The following FNIP2 variants were observed in gnomAD, a reference collection of about 807,000 sequenced individuals.
The protein encoded by FNIP2 is folliculin-interacting protein 2.
A neutral mutation model predicts 108.7 loss-of-function variants in FNIP2; 32 were observed. That is an observed-to-expected ratio of 0.29 (90% CI 0.22 to 0.40). The LOEUF (loss-of-function observed/expected upper bound fraction) is 0.40. Among genes scored for constraint, FNIP2 ranks in the 10% least tolerant of loss-of-function variants. The probability of loss-of-function intolerance (pLI) is 1.00; values close to 1 mark genes in which losing one functional copy is unlikely to be tolerated. For missense variants in FNIP2, 1,202 were observed against 1,381.6 expected, an observed-to-expected ratio of 0.87 and a Z score of 2.06; for synonymous variants, 480 against 496.7, an observed-to-expected ratio of 0.97 and a Z score of 0.45.
intron 1 of FNIP2, among the ~76,000 whole-genome samples, chr4:158,781,035 A>T (rs971646808): frequency 0.011 from 131 of 11,996 alleles, no homozygotes; most frequent in African/African-American, 0.018. Flanking sequence ...AGTCCTTCTC[A>T]AAAAAAAAAA....
intron 7 of FNIP2, among the ~76,000 whole-genome samples, chr4:158,850,103 G>A (rs1167650173): frequency 6.6e-6 from 1 of 152,162 alleles, no homozygotes; most frequent in Non-Finnish European, 1.5e-5. Flanking sequence ...AAGAGCTCAG[G>A]TCGGGAAGTC....
At chr4:158,820,268 G>T (rs1330286648) in intron 1 of FNIP2, among the ~76,000 whole-genome samples, 1 of 152,164 alleles carries the variant, frequency 6.6e-6, no homozygotes, top group Non-Finnish European at 1.5e-5. Flanking sequence ...AGGAAAAACA[G>T]AGATCATGCT....
rs141781043 is a variant in FNIP2, at chr4:158,889,489, C to A, written c.2950-1957C>A. Reference sequence around the variant, plus strand: ...CTATGCACTGTTGGGGATTGACACACTCTTCCCTTCCCTACCACTGCAGTG... The same window carrying A: ...CTATGCACTGTTGGGGATTGACACAATCTTCCCTTCCCTACCACTGCAGTG... On this transcript the variant is annotated intron_variant, in intron 14 of 16. Transcript: ENST00000264433. 3.3e-4 allele frequency among the ~76,000 whole-genome samples: 51 copies of A among 152,314 alleles called. 1 individual carries two copies. In the East Asian group the frequency reaches 9.5e-3, roughly 28 times the overall value.
intron 4 of FNIP2, 27 bp from the exon 5 acceptor site, chr4:158,832,040 T>TC (rs748417808): frequency 2.5e-5 from 40 of 1,609,574 alleles, no homozygotes; most frequent in Non-Finnish European, 5.9e-6. Flanking sequence ...AATTTATTTT[T>TC]CCCCTCTCCT....
intron 7 of FNIP2, among the ~76,000 whole-genome samples, chr4:158,840,602 G>T (rs989402490): frequency 2.0e-5 from 3 of 152,126 alleles, no homozygotes; most frequent in Non-Finnish European, 2.9e-5. Context: ...TGCCATGTTG[G>T]CCAGGCTGGT....
chr4:158,837,969 TCA>T (rs575936710), intron 7 of FNIP2, among the ~76,000 whole-genome samples: 163 of 152,324 alleles, frequency 1.1e-3, no homozygotes, highest in Non-Finnish European at 1.9e-3. Flanking sequence ...GGTTCAGAAG[TCA>T]CAGAGTCCAC....
In FNIP2 at chr4:158,906,178, A is replaced by C. The variant is rs1729827801; in HGVS notation, c.*1634A>C. ...CCTAGCATTTGACTTTGGTGTTTTA[A>C]GTTCTGTAGTTCCATGACATCATTG... On this transcript the variant is annotated 3_prime_UTR_variant, in exon 17 of 17. Transcript: ENST00000264433. 3.9e-5 allele frequency: 6 copies of C among 152,112 alleles called. No homozygotes were observed. The highest frequency in any genetic ancestry group is 3.9e-4 in the Admixed American group (6 of 15,262). 9.4% of individuals were successfully genotyped at this position (152,112 alleles called of 1,614,324 possible).
intron 15 of FNIP2, chr4:158,893,571 C>G: frequency 1.4e-6 from 1 of 717,852 alleles, no homozygotes; most frequent in South Asian, 2.1e-5. Flanking sequence ...TAAGCTGAAG[C>G]GTACTCTTGC....
At chr4:158,770,552 C>CGT (rs149605258) in intron 1 of FNIP2, among the ~76,000 whole-genome samples, 255 of 151,450 alleles carry the variant, frequency 1.7e-3, no homozygotes, top group African/African-American at 4.6e-3. Context: ...GAAAATTAAA[C>CGT]GTGTGTGTGT....
chr4:158,782,899 C>G (rs1776101762), intron 1 of FNIP2, among the ~76,000 whole-genome samples: 1 of 152,170 alleles, frequency 6.6e-6, no homozygotes, highest in Non-Finnish European at 1.5e-5. Context: ...TCTGCTTGCT[C>G]CAACTAAAGC....
intron 7 of FNIP2, among the ~76,000 whole-genome samples, chr4:158,841,793 T>C (rs990441304): frequency 1.3e-5 from 2 of 152,260 alleles, no homozygotes; most frequent in South Asian, 4.1e-4. Context: ...TATAAAAGCA[T>C]GTAGCTGCAG....
In FNIP2 at chr4:158,835,442, G is replaced by C; in HGVS notation, c.693G>C (p.Gln231His). The C allele has an allele frequency of 6.2e-7, 1 of 1,612,660 alleles. No individual in the cohort carries two copies. The highest frequency in any genetic ancestry group is 8.5e-7 in the Non-Finnish European group (1 of 1,179,128). The stretch of plus-strand genomic sequence containing the variant: ...CAGTTGATATGCCAAGCAGAGGACA[G>C]AATGAAGACAGGGACAGTGGCATTG... Reference protein sequence around the residue: ...STPVDMPSRGQNEDRDSGIAR... With the variant: ...STPVDMPSRGHNEDRDSGIAR... Residue 231 changes from glutamine to histidine, a missense_variant, in exon 7 of 17, where the codon CAG becomes CAC. Around this residue, in one of 5 missense-constraint regions of FNIP2, gnomAD observed 878 missense variants for 990.3 expected, o/e 0.89. Transcript: ENST00000264433.
At chr4:158,827,964 T>C (rs1285354567) in intron 2 of FNIP2, among the ~76,000 whole-genome samples, 1 of 151,924 alleles carries the variant, frequency 6.6e-6, no homozygotes, top group Non-Finnish European at 1.5e-5. Flanking sequence ...CATGTTTTTT[T>C]CCAAGCAAAA....
intron 14 of FNIP2, among the ~76,000 whole-genome samples, chr4:158,873,949 C>G (rs1048968063): frequency 6.6e-6 from 1 of 152,202 alleles, no homozygotes; most frequent in Admixed American, 6.5e-5. Context: ...GTAGCCTTTT[C>G]CCTCTCCTTT....
chr4:158,817,227 T>C (rs756911112), intron 1 of FNIP2, among the ~76,000 whole-genome samples: 1 of 152,218 alleles, frequency 6.6e-6, no homozygotes, highest in Non-Finnish European at 1.5e-5. Context: ...ACCTGCCCAC[T>C]CAGTGTCCCT....
chr4:158,808,075 C>T (rs116304326), intron 1 of FNIP2, among the ~76,000 whole-genome samples: 1,822 of 152,312 alleles, frequency 0.012, 21 homozygotes, highest in Non-Finnish European at 0.019. Flanking sequence ...AGTCTCCAGG[C>T]TTTTCTTAAT....
At chr4:158,856,516 G>A (rs1324747289) in intron 8 of FNIP2, among the ~76,000 whole-genome samples, 2 of 152,150 alleles carry the variant, frequency 1.3e-5, no homozygotes, top group Non-Finnish European at 2.9e-5. Context: ...GCCTTTCCTT[G>A]ACTCTCAGGG....
chr4:158,814,665 T>C (rs1036463685), intron 1 of FNIP2, among the ~76,000 whole-genome samples: 2 of 152,276 alleles, frequency 1.3e-5, no homozygotes, highest in Admixed American at 6.5e-5. Flanking sequence ...AGGGGTTGCT[T>C]TTTTAGAGAG....
chr4:158,870,275 T>G, intron 13 of FNIP2, 38 bp from the exon 14 acceptor site: 4 of 1,598,854 alleles, frequency 2.5e-6, no homozygotes, highest in Non-Finnish European at 3.4e-6. Flanking sequence ...AAAGTACATT[T>G]TTAGCTGTGC....
Sources: gnomAD v4.1 joint callset for allele counts (sites outside exome capture counted in the v4.1 genomes callset) on GRCh38, gnomAD v4.1.1 for gene constraint, gnomAD v4.1.1 regional missense constraint, MANE v1.5 for transcripts, NCBI Gene and HGNC (gene_info 2026-07-23, HGNC 2026-07-21) for gene names.